LRP1B: variants seen among roughly 807,000 people sequenced by gnomAD.
The protein encoded by LRP1B is low-density lipoprotein receptor-related protein 1B.
Under a neutral mutation model 556.6 loss-of-function variants are expected in LRP1B, and 217 were observed. The observed-to-expected ratio is 0.39, with a 90% CI of 0.35 to 0.44. LRP1B has a LOEUF of 0.44. Among genes scored for constraint, LRP1B ranks in the 20% least tolerant of loss-of-function variants. LRP1B has a pLI of 1.00. For synonymous variants in LRP1B, 2,047 were observed against 1,865.8 expected (o/e 1.10, Z -2.50); for missense variants, 5,053 against 5,620.8 (o/e 0.90, Z 3.23).
At chr2:141,916,597 T>C (rs1010568287) in intron 1 of LRP1B, among the ~76,000 whole-genome samples, 1 of 150,578 alleles carries the variant, frequency 6.6e-6, no homozygotes, top group Non-Finnish European at 1.5e-5. Context: ...TTGGCCAGGA[T>C]GGTCTTGATC....
intron 31 of LRP1B, among the ~76,000 whole-genome samples, chr2:140,817,796 A>G (rs1044541109): frequency 7.7e-6 from 1 of 130,704 alleles, no homozygotes; most frequent in African/African-American, 2.6e-5. Flanking sequence ...CAAAAGTATA[A>G]AAAAGGAATT....
intron 59 of LRP1B, among the ~76,000 whole-genome samples, chr2:140,478,371 G>A (rs552684176): frequency 2.6e-5 from 4 of 151,832 alleles, no homozygotes; most frequent in Non-Finnish European, 5.9e-5. Flanking sequence ...GGATGGTCTC[G>A]ATCTCCTGAC....
intron 35 of LRP1B, among the ~76,000 whole-genome samples, chr2:140,758,672 TATACTC>T (rs1297973963): frequency 2.0e-5 from 3 of 152,006 alleles, no homozygotes; most frequent in Non-Finnish European, 2.9e-5. Context: ...AGTATGCAAA[TATACTC>T]ATTAGTATCC....
At chr2:140,743,829 G>A (rs1688220493) in intron 35 of LRP1B, among the ~76,000 whole-genome samples, 1 of 151,114 alleles carries the variant, frequency 6.6e-6, no homozygotes, top group East Asian at 2.0e-4. Flanking sequence ...GCGTGGTGGC[G>A]GGTGCCTGTA....
In LRP1B at chr2:140,509,938, T is replaced by C. The variant is rs2104916806; in HGVS notation, c.8388A>G (p.Thr2796=). The part of the protein sequence containing the change: ...DCPDGSDELS[T]AGCAPNNTCD... The stretch of plus-strand genomic sequence containing the variant: ...GGCCAGTGTTCATACCGCAGCCTGC[T>C]GTGGAAAGCTCATCGCTTCCATCTG... Residue 2796 remains threonine (T), a synonymous_variant, in exon 52 of 91, where the codon ACA becomes ACG. Coordinates refer to ENST00000389484, the MANE Select transcript of LRP1B (RefSeq NM_018557.3). 6.2e-7 allele frequency: 1 copy of C among 1,613,612 alleles called. No homozygotes were observed. Among genetic ancestry groups the C allele is most frequent in the African/African-American group, 1.3e-5 (1 of 75,036 alleles).
At position 140,838,847 on chromosome 2, in the gene LRP1B, A is replaced by G. The variant is rs1472212193; in HGVS notation, c.5209+1144T>C. On this transcript the variant is annotated intron_variant, in intron 31 of 90. Transcript: ENST00000389484. ...AAGAAAACATGAGGAAAAAGTGATT[A>G]AGGTTCGAAACAGTATTATAATATA... Among the ~76,000 whole-genome samples the G allele has an allele frequency of 3.9e-5, 6 of 152,276 alleles. No homozygotes were observed. In the East Asian group the frequency reaches 1.2e-3, roughly 29 times the overall value.
At chr2:140,724,981 T>C (rs1461839473) in intron 35 of LRP1B, among the ~76,000 whole-genome samples, 1 of 152,154 alleles carries the variant, frequency 6.6e-6, no homozygotes. Flanking sequence ...GTGAACTTAA[T>C]AGGTAGGCCC....
At chr2:141,786,049 A>G (rs1695422034) in intron 2 of LRP1B, among the ~76,000 whole-genome samples, 1 of 151,870 alleles carries the variant, frequency 6.6e-6, no homozygotes, top group East Asian at 1.9e-4. Context: ...TTTTCTCATA[A>G]CCTCTATAAA....
chr2:140,622,906 A>G (rs982400824), intron 41 of LRP1B, among the ~76,000 whole-genome samples: 3 of 152,034 alleles, frequency 2.0e-5, no homozygotes, highest in African/African-American at 7.2e-5. Context: ...ATCTTCAATT[A>G]CTAACTATAT....
chr2:140,290,430 A>G (rs1203081524), intron 84 of LRP1B, among the ~76,000 whole-genome samples: 1 of 152,078 alleles, frequency 6.6e-6, no homozygotes, highest in Non-Finnish European at 1.5e-5. Context: ...CTTTCTCATT[A>G]AGAGGAAAAG....
chr2:140,456,595 G>A lies in LRP1B; in HGVS notation c.9823C>T (p.His3275Tyr). 8 of 1,607,742 alleles carry A rather than the reference G, an allele frequency of 5.0e-6. No individual in the cohort carries two copies. In the South Asian group the frequency reaches 8.9e-5, roughly 18 times the overall value. ...HSYRQPDVSKHLCMINNGGCS... is the reference protein window; with the variant it reads ...HSYRQPDVSKYLCMINNGGCS... ...CCACCATTATTTATCATGCAGAGAT[G>A]TTTGGAGACTAAAGATAAGAAAGAA... The change falls in exon 62 of 91, where the codon CAT (histidine) becomes TAT (tyrosine). Residue 3275 changes from histidine (H) to tyrosine (Y), a missense_variant. His to Tyr is a moderately conservative substitution (Grantham distance 83). Transcript: ENST00000389484.
intron 67 of LRP1B, among the ~76,000 whole-genome samples, chr2:140,384,220 T>TG (rs1268115318): frequency 6.6e-6 from 1 of 152,192 alleles, no homozygotes; most frequent in African/African-American, 2.4e-5. Flanking sequence ...ATAAGGCATT[T>TG]GCTCTCAGTT....
At chr2:140,298,049 G>T in intron 83 of LRP1B, 80 bp from the exon 84 acceptor site, 1 of 1,349,074 alleles carries the variant, frequency 7.4e-7, no homozygotes, top group Middle Eastern at 2.4e-4. Flanking sequence ...TGGGATAAAA[G>T]TTGAGAAGCC....
At chr2:141,413,504 C>A (rs887155895) in intron 3 of LRP1B, among the ~76,000 whole-genome samples, 1 of 152,146 alleles carries the variant, frequency 6.6e-6, no homozygotes, top group Admixed American at 6.5e-5. Flanking sequence ...CCGGCCAACA[C>A]CATCATAATC....
chr2:141,757,513 T>G (rs1694365671), intron 2 of LRP1B, among the ~76,000 whole-genome samples: 1 of 152,188 alleles, frequency 6.6e-6, no homozygotes, highest in Admixed American at 6.5e-5. Context: ...GATCCATAAG[T>G]GCATAAGCTT....
intron 2 of LRP1B, among the ~76,000 whole-genome samples, chr2:141,659,557 T>C (rs1690134547): frequency 6.6e-6 from 1 of 152,056 alleles, no homozygotes; most frequent in East Asian, 1.9e-4. Context: ...TACTGGTGGT[T>C]ACTGAGGCAA....
At chr2:141,347,496 A>C (rs1027521429) in intron 3 of LRP1B, among the ~76,000 whole-genome samples, 1 of 152,182 alleles carries the variant, frequency 6.6e-6, no homozygotes, top group Admixed American at 6.5e-5. Context: ...GGGAACTATA[A>C]GAAAAATAAT....
intron 36 of LRP1B, 83 bp downstream of exon 36, chr2:140,716,599 G>A (rs1177121121): frequency 7.2e-6 from 10 of 1,383,472 alleles, no homozygotes; most frequent in African/African-American, 1.5e-5. Flanking sequence ...ACTGTTATGA[G>A]TTAGAAAAGA....
chr2:142,099,557 T>C (rs1027895516), intron 1 of LRP1B, among the ~76,000 whole-genome samples: 3 of 151,968 alleles, frequency 2.0e-5, no homozygotes, highest in Non-Finnish European at 2.9e-5. Context: ...TCCCATGTTA[T>C]ATAAAAATCG....
Sources: gnomAD v4.1 joint callset for allele counts (sites outside exome capture counted in the v4.1 genomes callset) on GRCh38, gnomAD v4.1.1 for gene constraint, MANE v1.5 for transcripts, NCBI Gene and HGNC (gene_info 2026-07-23, HGNC 2026-07-21) for gene names.